ABCA8: variants seen among roughly 807,000 people sequenced by gnomAD.
ABCA8 encodes the protein ABC-type organic anion transporter ABCA8.
Under a neutral mutation model 192.3 loss-of-function variants are expected in ABCA8, and 177 were observed. The observed-to-expected ratio is 0.92, with a 90% CI of 0.81 to 1.04. The LOEUF is 1.04. ABCA8 is among the 50% of genes least tolerant of loss of function. The pLI is 0.00. For missense variants in ABCA8, 1,915 were observed against 1,904.8 expected (o/e 1.01, Z -0.10); for synonymous variants, 642 against 690.2 (o/e 0.93, Z 1.09).
intron 21 of ABCA8, among the ~76,000 whole-genome samples, chr17:68,896,894 G>A (rs760785525): frequency 2.5e-4 from 38 of 152,186 alleles, no homozygotes; most frequent in Admixed American, 2.0e-4. Context: ...TGCTAGTCTT[G>A]CTGTTGCACC....
chr17:68,948,696 G>A (rs1470200441), intron 2 of ABCA8, among the ~76,000 whole-genome samples: 1 of 152,134 alleles, frequency 6.6e-6, no homozygotes, highest in Non-Finnish European at 1.5e-5. Context: ...TAGGTTGCCT[G>A]TTCACGCTGA....
intron 4 of ABCA8, among the ~76,000 whole-genome samples, chr17:68,937,716 A>G (rs988632086): frequency 7.9e-5 from 12 of 152,174 alleles, no homozygotes; most frequent in African/African-American, 2.9e-4. Flanking sequence ...GGAAGTGTTG[A>G]AGATGAATGT....
At chr17:68,943,992 G>A (rs888095784) in intron 2 of ABCA8, among the ~76,000 whole-genome samples, 5 of 151,970 alleles carry the variant, frequency 3.3e-5, no homozygotes, top group South Asian at 2.1e-4. Flanking sequence ...GAATGAGATC[G>A]TGTCCTTTGC....
chr17:68,927,846 C>T lies in ABCA8; in HGVS notation c.1273+70G>A, dbSNP rs534548277. 27 of 1,169,704 alleles carry T rather than the reference C, an allele frequency of 2.3e-5. 1 individual carries two copies. The South Asian group carries it at 3.9e-4, about 17-fold the overall frequency. The allele number at this position is 1,169,704 out of a possible 1,614,324, so 72.5% of individuals were successfully genotyped here. A position where few individuals can be genotyped will look rare whatever the true frequency, so the allele number is the denominator to read the frequency against. ...GTTCTTAAAATATAAATAGTATATC[C>T]ATTAGGAGATTTGTTTTCAGAAATA... On this transcript the variant is annotated intron_variant, in intron 10 of 39. Transcript: ENST00000586539.
intron 30 of ABCA8, among the ~76,000 whole-genome samples, 163 bp downstream of exon 30, chr17:68,882,436 A>C (rs758698549): frequency 6.6e-6 from 1 of 152,196 alleles, no homozygotes; most frequent in Non-Finnish European, 1.5e-5. Flanking sequence ...TTATTCTAAG[A>C]ACAAAAGAGT....
chr17:68,937,160 G>A, intron 4 of ABCA8, 45 bp from the exon 5 acceptor site: 1 of 1,482,278 alleles, frequency 6.7e-7, no homozygotes. Flanking sequence ...ATTACTAGGA[G>A]ACACAACTTC....
At chr17:68,944,387 A>T (rs2068337778) in intron 2 of ABCA8, 1 of 134,950 alleles carries the variant, frequency 7.4e-6, no homozygotes. Context: ...TGCAAACAAG[A>T]GACCTGAAAG....
At chr17:68,928,736 A>T (rs1432785454) in intron 9 of ABCA8, among the ~76,000 whole-genome samples, 2 of 152,194 alleles carry the variant, frequency 1.3e-5, no homozygotes, top group Admixed American at 6.5e-5. Flanking sequence ...ACTAGGTAAA[A>T]ACATGAACTG....
intron 13 of ABCA8, 31 bp from the exon 14 acceptor site, chr17:68,919,507 A>G: frequency 6.4e-7 from 1 of 1,564,150 alleles, no homozygotes; most frequent in Non-Finnish European, 8.8e-7. Flanking sequence ...ATATCAAGAT[A>G]AGGCTTAAGA....
At chr17:68,891,735 C>G (rs1282578527) in intron 23 of ABCA8, 139 bp from the exon 24 acceptor site, 1 of 585,670 alleles carries the variant, frequency 1.7e-6, no homozygotes, top group East Asian at 3.1e-5. Context: ...CCTTCATTAT[C>G]CTTCCAGTTT....
In ABCA8 at chr17:68,867,346, G is replaced by C. The variant is rs560854440; in HGVS notation, c.*739C>G. ...ATTTTCTACCTACTCAGTCATGTGAGCTGTTGCTACATTTGTGAACTTTCT... is the reference window on the plus strand; with the variant it reads ...ATTTTCTACCTACTCAGTCATGTGACCTGTTGCTACATTTGTGAACTTTCT... On this transcript the variant is annotated 3_prime_UTR_variant, in exon 40 of 40. Transcript: ENST00000586539. The C allele has an allele frequency of 1.1e-4, 16 of 152,198 alleles. No individual in the cohort carries two copies. The East Asian group carries it at 2.9e-3, about 28-fold the overall frequency. The allele number at this position is 152,198 out of a possible 1,614,324, so 9.4% of individuals were successfully genotyped here.
intron 2 of ABCA8, among the ~76,000 whole-genome samples, chr17:68,943,629 T>A (rs895900868): frequency 2.6e-5 from 4 of 152,154 alleles, no homozygotes; most frequent in African/African-American, 9.7e-5. Flanking sequence ...CTAGGTAAAC[T>A]AAAGTCCAAA....
chr17:68,891,616 C>A lies in ABCA8; in HGVS notation c.3037-20G>T. 6.5e-7 allele frequency: 1 copy of A among 1,534,668 alleles called. No individual in the cohort carries two copies. The highest frequency in any genetic ancestry group is 1.8e-5 in the Admixed American group (1 of 56,830). On this transcript the variant is annotated intron_variant, in intron 23 of 39. Coordinates refer to ENST00000586539, the MANE Select transcript of ABCA8 (RefSeq NM_001288985.2). ...TCCATTCTGAAAAACCCAAAGAATA[C>A]AATGAACTGAATGAAGAAATTTAAA...
At chr17:68,904,211 G>A (rs533917062) in intron 19 of ABCA8, among the ~76,000 whole-genome samples, 98 of 151,704 alleles carry the variant, frequency 6.5e-4, no homozygotes, top group Non-Finnish European at 1.3e-3. Context: ...GAACCCGGGA[G>A]GCAGAGCTTG....
At chr17:68,931,142 CCT>C (rs1475791671) in intron 7 of ABCA8, among the ~76,000 whole-genome samples, 2 of 152,164 alleles carry the variant, frequency 1.3e-5, no homozygotes, top group African/African-American at 4.8e-5. Flanking sequence ...TCACATCTCA[CCT>C]CTGTCTGGCA....
At chr17:68,929,467 G>T in intron 8 of ABCA8, 94 bp downstream of exon 8, 1 of 1,373,528 alleles carries the variant, frequency 7.3e-7, no homozygotes. Flanking sequence ...AACAGAGTAG[G>T]TAGAAAAAAA....
chr17:68,918,119 G>C lies in ABCA8; in HGVS notation c.1975C>G (p.Leu659Val). ...ACGCGGTCTGTTTTGCGTTCTTTCA[G>C]AAGGTTCCATACTTGGTGTCTTGAA... ...PFSRHQVWNL[L>V]KERKTDRVIL... The change falls in exon 16 of 40, where the codon CTG (leucine) becomes GTG (valine). Residue 659 changes from leucine (L) to valine (V), a missense_variant. Leu to Val is a conservative substitution (Grantham distance 32). Coordinates refer to ENST00000586539, the MANE Select transcript of ABCA8 (RefSeq NM_001288985.2). 1.2e-6 allele frequency: 2 copies of C among 1,614,176 alleles called. No homozygotes were observed. The highest frequency in any genetic ancestry group is 1.7e-6 in the Non-Finnish European group (2 of 1,180,026).
At position 68,882,650 on chromosome 17, in the gene ABCA8, C is replaced by A. The variant is rs774390458; in HGVS notation, c.3777G>T (p.Gln1259His). ...EEPEGEDEDVQMERVRTANAL... is the reference protein window; with the variant it reads ...EEPEGEDEDVHMERVRTANAL... Reference sequence around the variant, plus strand: ...CATTTGCTGTTCTCACTCTTTCCATCTGAACATCTTCATCCTCTCCTTCTG... The same window carrying A: ...CATTTGCTGTTCTCACTCTTTCCATATGAACATCTTCATCCTCTCCTTCTG... The change falls in exon 30 of 40, where the codon CAG becomes CAT. Residue 1259 changes from glutamine (Q) to histidine (H), a missense_variant. Coordinates refer to ENST00000586539, the MANE Select transcript of ABCA8 (RefSeq NM_001288985.2). 13 of 1,613,082 alleles carry A rather than the reference C, an allele frequency of 8.1e-6. No homozygotes were observed. Among genetic ancestry groups the A allele is most frequent in the Non-Finnish European group, 1.1e-5 (13 of 1,179,540 alleles).
chr17:68,937,809 G>C (rs975026751), intron 4 of ABCA8, among the ~76,000 whole-genome samples: 2 of 151,768 alleles, frequency 1.3e-5, no homozygotes, highest in Admixed American at 1.3e-4. Context: ...CTTACCCTTT[G>C]TTACTCAATT....
Sources: gnomAD v4.1 joint callset for allele counts (sites outside exome capture counted in the v4.1 genomes callset) on GRCh38, gnomAD v4.1.1 for gene constraint, MANE v1.5 for transcripts, NCBI Gene and HGNC (gene_info 2026-07-23, HGNC 2026-07-21) for gene names.